Variants in ATXN3 observed in about 807,000 individuals in gnomAD.
The protein encoded by ATXN3 is ataxin-3.
ATXN3 carries 28 observed loss-of-function variants against 58.2 expected under a neutral mutation model. The ratio of observed to expected loss-of-function variants is 0.48; its 90% CI spans 0.36 to 0.66. The LOEUF (loss-of-function observed/expected upper bound fraction) is 0.66. ATXN3 is among the 30% of genes least tolerant of loss of function. ATXN3 has a pLI of 0.00. For missense variants in ATXN3, 321 were observed against 422.1 expected (o/e 0.76, Z 2.10); for synonymous variants, 113 against 138.5 (o/e 0.82, Z 1.29).
chr14:92,089,248 A>T (rs2063230859), intron 5 of ATXN3, among the ~76,000 whole-genome samples: 1 of 149,800 alleles, frequency 6.7e-6, no homozygotes, highest in South Asian at 2.1e-4. Flanking sequence ...CAAACTCCTG[A>T]CCTCAAATGA....
At chr14:92,081,465 CAAAAA>C (rs58398762) in intron 8 of ATXN3, among the ~76,000 whole-genome samples, 2 of 82,972 alleles carry the variant, frequency 2.4e-5, no homozygotes, top group African/African-American at 4.1e-5. Flanking sequence ...GACTCTGACT[CAAAAA>C]AAAAAAAAAA....
chr14:92,063,023 A>G lies in ATXN3; in HGVS notation c.*1297T>C, dbSNP rs952086813. ...AATTTCAGAGACATGGTTTTCACCA[A>G]AATGATACTATCCTATTGACCCAGC... On this transcript the variant is annotated 3_prime_UTR_variant, in exon 11 of 11. Coordinates refer to ENST00000644486, the MANE Select transcript of ATXN3 (RefSeq NM_004993.6). 3.9e-5 allele frequency: 6 copies of G among 152,668 alleles called. No homozygotes were observed. Among genetic ancestry groups the G allele is most frequent in the Non-Finnish European group, 7.3e-5 (5 of 68,046 alleles). The allele number at this position is 152,668 out of a possible 1,614,324, so 9.5% of individuals were successfully genotyped here. A position where few individuals can be genotyped will look rare whatever the true frequency, so the allele number is the denominator to read the frequency against.
intron 3 of ATXN3, among the ~76,000 whole-genome samples, chr14:92,095,118 G>C (rs1280425408): frequency 6.8e-6 from 1 of 146,424 alleles, no homozygotes; most frequent in Non-Finnish European, 1.5e-5. Flanking sequence ...AAAATCAAAA[G>C]CCACAAACCA....
intron 10 of ATXN3, among the ~76,000 whole-genome samples, chr14:92,067,409 CA>C (rs1276932758): frequency 6.6e-6 from 1 of 152,090 alleles, no homozygotes; most frequent in Non-Finnish European, 1.5e-5. Context: ...AATCCTGACA[CA>C]AATTTAGATG....
intron 10 of ATXN3, among the ~76,000 whole-genome samples, chr14:92,064,868 A>C (rs889780888): frequency 6.6e-6 from 1 of 152,236 alleles, no homozygotes; most frequent in African/African-American, 2.4e-5. Flanking sequence ...ATTCAAAGGA[A>C]GTTGTAAAGA....
At chr14:92,085,260 C>T (rs1232014467) in intron 6 of ATXN3, among the ~76,000 whole-genome samples, 4 of 151,462 alleles carry the variant, frequency 2.6e-5, no homozygotes, top group Non-Finnish European at 5.9e-5. Context: ...GATCTTGGCT[C>T]GCTGTAACCT....
rs116420499 is a variant in ATXN3 at position 92,092,651 on chromosome 14, A to T, written c.387+601T>A. Among the ~76,000 whole-genome samples, 912 of 152,240 alleles carry T rather than the reference A, an allele frequency of 6.0e-3. 7 individuals are homozygous for T. The highest frequency in any genetic ancestry group is 0.02 in the African/African-American group (852 of 41,566). ...CCCACTTAAAAGTAACCACATTTGT[A>T]TTATCTTTAATATAGAATTTTTCTT... On this transcript the variant is annotated intron_variant, in intron 5 of 10. Coordinates refer to ENST00000644486, the MANE Select transcript of ATXN3 (RefSeq NM_004993.6).
At chr14:92,095,955 T>C (rs2065125126) in intron 3 of ATXN3, 138 bp downstream of exon 3, 2 of 704,984 alleles carry the variant, frequency 2.8e-6, no homozygotes, top group African/African-American at 1.8e-5. Context: ...AAAAAAAAAA[T>C]CTAGTACTCT....
Position 92,093,240 on chromosome 14 carries a change from A to G in ATXN3, c.387+12T>C. On this transcript the variant is annotated intron_variant, in intron 5 of 10. Coordinates refer to ENST00000644486, the MANE Select transcript of ATXN3 (RefSeq NM_004993.6). ...ATAAGAAAAAAAGACAAGGAAGGGT[A>G]AGAAATGTTACCTGTTTTCCTAATT... 3 of 1,482,692 alleles carry G rather than the reference A, an allele frequency of 2.0e-6. No individual in the cohort carries two copies. Among genetic ancestry groups the G allele is most frequent in the South Asian group, 2.4e-5 (2 of 85,094 alleles). The allele number at this position is 1,482,692 out of a possible 1,614,324, so 91.8% of individuals were successfully genotyped here. A position where few individuals can be genotyped will look rare whatever the true frequency, so the allele number is the denominator to read the frequency against.
rs532547403 is a variant in ATXN3, at chr14:92,098,204, C to T, written c.25-1366G>A. Among the ~76,000 whole-genome samples the T allele has an allele frequency of 9.9e-4, 151 of 152,254 alleles. 1 individual carries two copies. The highest frequency in any genetic ancestry group is 3.5e-3 in the African/African-American group (145 of 41,554). Reference sequence around the variant, plus strand: ...CAGGCTGGACTTGAACTCCAGGGCTCAAGGGATCTTCCTGCCTCAGCCTCC... The same window carrying T: ...CAGGCTGGACTTGAACTCCAGGGCTTAAGGGATCTTCCTGCCTCAGCCTCC... On this transcript the variant is annotated intron_variant, in intron 1 of 10. Transcript: ENST00000644486.
intron 10 of ATXN3, among the ~76,000 whole-genome samples, chr14:92,067,927 T>C (rs2058733439): frequency 6.6e-6 from 1 of 152,184 alleles, no homozygotes; most frequent in South Asian, 2.1e-4. Flanking sequence ...ATGGGAGTTC[T>C]AGCCCCCTAG....
At chr14:92,095,621 T>C (rs1321387809) in intron 3 of ATXN3, among the ~76,000 whole-genome samples, 1 of 151,910 alleles carries the variant, frequency 6.6e-6, no homozygotes, top group Non-Finnish European at 1.5e-5. Context: ...CACTCTAATA[T>C]GAAGATTCTA....
chr14:92,075,869 CA>C (rs1256406010), intron 9 of ATXN3, among the ~76,000 whole-genome samples: 1 of 152,204 alleles, frequency 6.6e-6, no homozygotes, highest in Admixed American at 6.6e-5. Flanking sequence ...TAACTCTTCT[CA>C]GCAACATGTG....
intron 9 of ATXN3, among the ~76,000 whole-genome samples, chr14:92,076,183 T>C (rs1050445443): frequency 5.3e-5 from 8 of 152,176 alleles, no homozygotes; most frequent in Admixed American, 4.6e-4. Context: ...CAGTGGCTCA[T>C]GCCTGTAATC....
At chr14:92,089,716 A>C (rs982131442) in intron 5 of ATXN3, among the ~76,000 whole-genome samples, 1 of 152,224 alleles carries the variant, frequency 6.6e-6, no homozygotes, top group Non-Finnish European at 1.5e-5. Flanking sequence ...AAAAATGCAT[A>C]GTCAGTAGTT....
intron 3 of ATXN3, among the ~76,000 whole-genome samples, chr14:92,095,252 T>G (rs760128804): frequency 9.9e-5 from 15 of 152,110 alleles, no homozygotes; most frequent in Non-Finnish European, 2.1e-4. Context: ...TAAGGATTTC[T>G]TTTTTTCTTT....
chr14:92,098,385 C>T (rs1471503670), intron 1 of ATXN3, among the ~76,000 whole-genome samples: 2 of 152,000 alleles, frequency 1.3e-5, no homozygotes, highest in African/African-American at 4.8e-5. Context: ...GCTGGGAGTT[C>T]GAGACCAGCC....
At chr14:92,096,942 C>T in intron 1 of ATXN3, 104 bp from the exon 2 acceptor site, 1 of 1,011,486 alleles carries the variant, frequency 9.9e-7, no homozygotes, top group Non-Finnish European at 1.5e-6. Flanking sequence ...GAGTCTCACT[C>T]TTTCACCCAG....
intron 3 of ATXN3, among the ~76,000 whole-genome samples, chr14:92,094,427 C>G (rs559839103): frequency 6.6e-6 from 1 of 152,270 alleles, no homozygotes; most frequent in East Asian, 1.9e-4. Flanking sequence ...TTTCTTAAAA[C>G]TAGTCTACTA....
Sources: allele counts gnomAD v4.1 joint callset (sites outside exome capture counted in the v4.1 genomes callset), GRCh38; gene constraint gnomAD v4.1.1; transcripts MANE v1.5; gene names NCBI Gene and HGNC (gene_info 2026-07-23, HGNC 2026-07-21).